Variants in AGO3 observed in about 807,000 individuals in gnomAD.
The protein encoded by AGO3 is protein argonaute-3.
Under a neutral mutation model 105.5 loss-of-function variants are expected in AGO3, and 16 were observed. That is an observed-to-expected ratio of 0.15 (90% CI 0.10 to 0.23). The LOEUF (loss-of-function observed/expected upper bound fraction) is 0.23, where lower values mean the gene tolerates loss of function less well. Among genes scored for constraint, AGO3 ranks in the 10% least tolerant of loss-of-function variants. AGO3 has a pLI of 1.00. For missense variants in AGO3, 534 were observed against 1,088.0 expected (o/e 0.49, Z 7.16); for synonymous variants, 340 against 367.3 (o/e 0.93, Z 0.85).
At chr1:35,977,385 A>G (rs1646972963) in intron 5 of AGO3, among the ~76,000 whole-genome samples, 1 of 145,784 alleles carries the variant, frequency 6.9e-6, no homozygotes, top group Non-Finnish European at 1.5e-5. Context: ...TTCTATCGTT[A>G]TTATGATTTT....
chr1:35,964,141 A>C (rs971539923), intron 2 of AGO3, among the ~76,000 whole-genome samples: 1 of 152,112 alleles, frequency 6.6e-6, no homozygotes, highest in Non-Finnish European at 1.5e-5. Context: ...TTATATATGA[A>C]CATATATATG....
chr1:35,975,621 A>T (rs1646943082), intron 5 of AGO3, among the ~76,000 whole-genome samples: 1 of 152,096 alleles, frequency 6.6e-6, no homozygotes, highest in Admixed American at 6.6e-5. Flanking sequence ...TGTATTGGTC[A>T]GTCATTTCTT....
rs771469779 is a variant in AGO3 at position 36,027,065 on chromosome 1, G to A, written c.1407-49G>A. ...CAAACTTCCCATTACTACTTTGTAGGAATTCATGACTAGACAAAGGTTTTA... is the reference window on the plus strand; with the variant it reads ...CAAACTTCCCATTACTACTTTGTAGAAATTCATGACTAGACAAAGGTTTTA... On this transcript the variant is annotated intron_variant, in intron 11 of 18. Coordinates refer to ENST00000373191, the MANE Select transcript of AGO3 (RefSeq NM_024852.4). The surrounding 1 kb of genome is among the most constrained non-coding windows in gnomAD (Gnocchi z 4.0). 1.9e-6 allele frequency: 3 copies of A among 1,542,392 alleles called. No homozygotes were observed. The highest frequency in any genetic ancestry group is 2.6e-6 in the Non-Finnish European group (3 of 1,139,524).
At chr1:35,995,693 C>T (rs1648265931) in intron 5 of AGO3, among the ~76,000 whole-genome samples, 1 of 151,944 alleles carries the variant, frequency 6.6e-6, no homozygotes, top group Admixed American at 6.5e-5. Flanking sequence ...TTTTTTTCTT[C>T]TTTCGAGACA....
chr1:36,056,353 T>C lies in AGO3; in HGVS notation c.*608T>C, dbSNP rs1159312377. ...TTTATTCTACCCCCACTACCGCCTT[T>C]ATTTCTCTATTTCCCTTGCCTTCAT... is the stretch of plus-strand genomic sequence containing the variant. On this transcript the variant is annotated 3_prime_UTR_variant, in exon 19 of 19. Transcript: ENST00000373191. 1 of 152,224 alleles carries C rather than the reference T, an allele frequency of 6.6e-6. No homozygotes were observed. 9.4% of individuals were successfully genotyped at this position (152,224 alleles called of 1,614,324 possible).
chr1:35,993,405 C>G (rs1647874616), intron 5 of AGO3, among the ~76,000 whole-genome samples: 1 of 152,002 alleles, frequency 6.6e-6, no homozygotes, highest in Admixed American at 6.6e-5. Flanking sequence ...TAGGAAAAAG[C>G]AGATTACCAG....
At chr1:36,016,331 A>G (rs893841136) in intron 11 of AGO3, among the ~76,000 whole-genome samples, 9 of 152,036 alleles carry the variant, frequency 5.9e-5, no homozygotes, top group African/African-American at 1.9e-4. Context: ...ACAGGCCTGC[A>G]CTACTATGCC....
At chr1:35,947,254 T>G (rs1646383787) in intron 2 of AGO3, among the ~76,000 whole-genome samples, 1 of 152,148 alleles carries the variant, frequency 6.6e-6, no homozygotes, top group Non-Finnish European at 1.5e-5. Context: ...TAGGTGGTTT[T>G]TTTTTTAACA....
intron 1 of AGO3, among the ~76,000 whole-genome samples, chr1:35,932,641 T>TAAA (rs1646074844): frequency 6.6e-6 from 1 of 152,084 alleles, no homozygotes; most frequent in African/African-American, 2.4e-5. Flanking sequence ...TGCTCCATTG[T>TAAA]TTCGCTTTCC....
rs1642992736 is a variant in AGO3 at position 36,059,111 on chromosome 1, G to A, written c.*3366G>A. 1 of 151,970 alleles carries A rather than the reference G, an allele frequency of 6.6e-6. No individual in the cohort carries two copies. Among genetic ancestry groups the A allele is most frequent in the East Asian group, 1.9e-4 (1 of 5,190 alleles). The allele number at this position is 151,970 out of a possible 1,614,324, so 9.4% of individuals were successfully genotyped here. The stretch of plus-strand genomic sequence containing the variant: ...TCTATTTGGAAGGACTTTTTTAAGA[G>A]GAAAAATATTTTTTCTAAATTATAA... On this transcript the variant is annotated 3_prime_UTR_variant, in exon 19 of 19. Transcript: ENST00000373191.
intron 13 of AGO3, among the ~76,000 whole-genome samples, chr1:36,035,457 C>T (rs1342853821): frequency 6.6e-6 from 1 of 152,138 alleles, no homozygotes; most frequent in East Asian, 1.9e-4. Context: ...TCCTTTATGA[C>T]CATTGAATAT....
At chr1:35,975,260 A>G (rs1485341846) in intron 5 of AGO3, among the ~76,000 whole-genome samples, 1 of 152,142 alleles carries the variant, frequency 6.6e-6, no homozygotes, top group Non-Finnish European at 1.5e-5. Flanking sequence ...AGAATCATCA[A>G]ACTCTTAGAT....
intron 5 of AGO3, among the ~76,000 whole-genome samples, chr1:35,974,865 T>C (rs1189910846): frequency 6.6e-6 from 1 of 152,160 alleles, no homozygotes; most frequent in Non-Finnish European, 1.5e-5. Context: ...CAGCAGGATA[T>C]TCCTTGCTCA....
At chr1:35,953,252 G>C (rs1445762631) in intron 2 of AGO3, among the ~76,000 whole-genome samples, 2 of 151,296 alleles carry the variant, frequency 1.3e-5, no homozygotes, top group African/African-American at 4.9e-5. Flanking sequence ...AATGTAGCAA[G>C]ACATCATTTC....
intron 11 of AGO3, among the ~76,000 whole-genome samples, chr1:36,021,502 G>C (rs565326049): frequency 4.7e-4 from 71 of 152,086 alleles, no homozygotes; most frequent in African/African-American, 1.6e-3. Context: ...ATAACTCGAT[G>C]GAGTTTAAAC....
intron 12 of AGO3, among the ~76,000 whole-genome samples, chr1:36,028,369 A>G (rs141409114): frequency 0.015 from 2,137 of 146,722 alleles, 49 homozygotes; most frequent in African/African-American, 0.052. Flanking sequence ...CTAGCATTAG[A>G]TGTATCTCCC....
At position 36,064,062 on chromosome 1, in the gene AGO3, A is replaced by T. The variant is rs560313955; in HGVS notation, c.*8317A>T. The T allele has an allele frequency of 2.0e-5, 3 of 152,042 alleles. No homozygotes were observed. Among genetic ancestry groups the T allele is most frequent in the Non-Finnish European group, 4.4e-5 (3 of 67,976 alleles). 9.4% of individuals were successfully genotyped at this position (152,042 alleles called of 1,614,324 possible). On this transcript the variant is annotated 3_prime_UTR_variant, in exon 19 of 19. Coordinates refer to ENST00000373191, the MANE Select transcript of AGO3 (RefSeq NM_024852.4). ...CATCTGGCCAAGATCAAGATTATGG[A>T]TATTGGTATGTTAACTTTTAAAATA...
At chr1:35,987,883 C>T (rs942238223) in intron 5 of AGO3, among the ~76,000 whole-genome samples, 3 of 151,812 alleles carry the variant, frequency 2.0e-5, no homozygotes, top group African/African-American at 7.3e-5. Context: ...GCCTGACCAA[C>T]ATGGTGAAAC....
intron 5 of AGO3, among the ~76,000 whole-genome samples, chr1:35,993,835 C>G (rs534347699): frequency 6.8e-6 from 1 of 147,838 alleles, no homozygotes; most frequent in African/African-American, 2.5e-5. Context: ...GCAACCTCCA[C>G]CTCTCAGGTT....
Sources: allele counts gnomAD v4.1 joint callset (sites outside exome capture counted in the v4.1 genomes callset), GRCh38; gene constraint gnomAD v4.1.1; non-coding constraint Gnocchi (gnomAD v3.1); transcripts MANE v1.5; gene names NCBI Gene and HGNC (gene_info 2026-07-23, HGNC 2026-07-21).